Variants in FSHR observed in about 807,000 individuals in gnomAD.
FSHR encodes follicle stimulating hormone receptor.
In FSHR, 46 loss-of-function variants were observed where a neutral mutation model predicts 52.1. The ratio of observed to expected loss-of-function variants is 0.88; its 90% CI spans 0.70 to 1.13. The LOEUF (loss-of-function observed/expected upper bound fraction) is 1.13. FSHR is among the 50% of genes most tolerant of loss of function. The pLI is 0.00. For missense variants in FSHR, 964 were observed against 834.6 expected (o/e 1.16, Z -1.91); for synonymous variants, 399 against 309.6 (o/e 1.29, Z -3.03).
chr2:49,097,765 A>T (rs1558439782), intron 1 of FSHR, among the ~76,000 whole-genome samples: 1 of 152,236 alleles, frequency 6.6e-6, no homozygotes, highest in Non-Finnish European at 1.5e-5. Flanking sequence ...GGAAACTAGA[A>T]AAGTAAGTTT....
chr2:49,011,243 G>T (rs1667259775), intron 4 of FSHR, among the ~76,000 whole-genome samples: 1 of 151,332 alleles, frequency 6.6e-6, no homozygotes, highest in African/African-American at 2.4e-5. Flanking sequence ...TGTTCTCGTT[G>T]GTTTCAAAGA....
chr2:49,034,186 T>C (rs1668198925), intron 2 of FSHR, among the ~76,000 whole-genome samples: 1 of 152,162 alleles, frequency 6.6e-6, no homozygotes, highest in Non-Finnish European at 1.5e-5. Flanking sequence ...TCCCTTCCTC[T>C]CCCCTTCCCC....
In FSHR at chr2:49,088,520, G is replaced by C. The variant is rs1328387158; in HGVS notation, c.153-20230C>G. Among the ~76,000 whole-genome samples the C allele has an allele frequency of 2.0e-5, 3 of 152,212 alleles. No individual in the cohort carries two copies. In the East Asian group the frequency reaches 5.8e-4, roughly 29 times the overall value. The stretch of plus-strand genomic sequence containing the variant: ...TCAGTGATGCCCTTACTTTTGCTCT[G>C]TCAGTGTGGGTAAACAGAATTCGAC... On this transcript the variant is annotated intron_variant, in intron 1 of 9. Coordinates refer to ENST00000406846, the MANE Select transcript of FSHR (RefSeq NM_000145.4).
chr2:49,095,490 G>T lies in FSHR; in HGVS notation c.153-27200C>A, dbSNP rs368042533. On this transcript the variant is annotated intron_variant, in intron 1 of 9. Coordinates refer to ENST00000406846, the MANE Select transcript of FSHR (RefSeq NM_000145.4). Reference sequence around the variant, plus strand: ...AAATATTAACTCGAAATTGATTAAAGATCAAATTGTAAGAGCTAAAACTAT... The same window carrying T: ...AAATATTAACTCGAAATTGATTAAATATCAAATTGTAAGAGCTAAAACTAT... Among the ~76,000 whole-genome samples, 54 of 152,246 alleles carry T rather than the reference G, an allele frequency of 3.5e-4. 1 individual carries two copies. Among genetic ancestry groups the T allele is most frequent in the East Asian group, 3.3e-3 (17 of 5,192 alleles).
chr2:49,051,018 C>G (rs756177849), intron 2 of FSHR, among the ~76,000 whole-genome samples: 1 of 152,092 alleles, frequency 6.6e-6, no homozygotes. Flanking sequence ...TCTTTGCTTA[C>G]TATAATGCTT....
At chr2:48,974,446 T>C (rs1225804629) in intron 8 of FSHR, among the ~76,000 whole-genome samples, 2 of 152,216 alleles carry the variant, frequency 1.3e-5, no homozygotes, top group African/African-American at 4.8e-5. Flanking sequence ...ATGGTGGCTT[T>C]GATGCTGTGA....
intron 1 of FSHR, among the ~76,000 whole-genome samples, chr2:49,151,589 A>G (rs1278214730): frequency 6.6e-6 from 1 of 152,138 alleles, no homozygotes; most frequent in East Asian, 1.9e-4. Flanking sequence ...TGTACATAGT[A>G]AAATGTAGGA....
chr2:48,963,380 C>A lies in FSHR; in HGVS notation c.1441G>T (p.Val481Leu), dbSNP rs762018429. The A allele has an allele frequency of 1.2e-6, 2 of 1,614,050 alleles. No homozygotes were observed. The highest frequency in any genetic ancestry group is 8.5e-7 in the Non-Finnish European group (1 of 1,179,974). ...ACACTGGCAGCATGGCGGAGCTGCA[C>A]CTTGCAGTCCAGCTGCATGGCATGC... is the stretch of plus-strand genomic sequence containing the variant. The part of the protein sequence containing the change: ...ITHAMQLDCK[V>L]QLRHAASVMV... Residue 481 changes from valine (V) to leucine (L), a missense_variant, in exon 10 of 10, where the codon GTG becomes TTG. Coordinates refer to ENST00000406846, the MANE Select transcript of FSHR (RefSeq NM_000145.4).
At position 48,976,496 on chromosome 2, in the gene FSHR, C is replaced by A. The variant is rs185511611; in HGVS notation, c.668+6416G>T. Among the ~76,000 whole-genome samples, 3 of 152,282 alleles carry A rather than the reference C, an allele frequency of 2.0e-5. No individual in the cohort carries two copies. In the East Asian group the frequency reaches 5.8e-4, roughly 29 times the overall value. ...TTGGTATCAGGATGATGCTGCCTCA[C>A]AAAATGAGTTAGAGAGGAGTCCCTC... On this transcript the variant is annotated intron_variant, in intron 8 of 9. Coordinates refer to ENST00000406846, the MANE Select transcript of FSHR (RefSeq NM_000145.4).
chr2:49,052,904 T>A (rs960282631), intron 2 of FSHR, among the ~76,000 whole-genome samples: 2 of 152,196 alleles, frequency 1.3e-5, no homozygotes, highest in African/African-American at 4.8e-5. Context: ...CTGATTTACT[T>A]CCTTTCCTTT....
In FSHR at chr2:48,974,374, C is replaced by G. The variant is rs1674888591; in HGVS notation, c.669-5491G>C. On this transcript the variant is annotated intron_variant, in intron 8 of 9. Transcript: ENST00000406846. ...CCGTTGCTCAGTGTTCTGGAGCTAG[C>G]TTGTTATTTTGGATTCCTTCTTATC... Among the ~76,000 whole-genome samples, 3 of 152,248 alleles carry G rather than the reference C, an allele frequency of 2.0e-5. No homozygotes were observed. In the South Asian group the frequency reaches 6.2e-4, roughly 32 times the overall value.
chr2:48,963,245 A>T lies in FSHR; in HGVS notation c.1576T>A (p.Leu526Met). The T allele has an allele frequency of 6.2e-7, 1 of 1,614,176 alleles. No individual in the cohort carries two copies. The highest frequency in any genetic ancestry group is 8.5e-7 in the Non-Finnish European group (1 of 1,180,028). ...AGGGACATGACATACAGCTGTGACA[A>T]AGGGCTGTCAATATCCATGGGCAGG... Reference protein sequence around the residue: ...ICLPMDIDSPLSQLYVMSLLV... With the variant: ...ICLPMDIDSPMSQLYVMSLLV... Residue 526 changes from leucine to methionine, a missense_variant, in exon 10 of 10, where the codon TTG becomes ATG. Coordinates refer to ENST00000406846, the MANE Select transcript of FSHR (RefSeq NM_000145.4).
rs941943674 is a variant in FSHR at position 49,152,507 on chromosome 2, TCTTTTTCC to T, written c.152+1751_152+1758del. On this transcript the variant is annotated intron_variant, in intron 1 of 9. Transcript: ENST00000406846. ...TTTTCTTTCCTCTTTCTTTTCTTTC[TCTTTTTCC>T]CTTTTTCCCTCCATCTTTTCTCTTT... Among the ~76,000 whole-genome samples the T allele has an allele frequency of 8.4e-4, 128 of 152,280 alleles. 1 individual carries two copies. The highest frequency in any genetic ancestry group is 3.9e-3 in the Admixed American group (60 of 15,284).
At chr2:49,094,318 G>T (rs1032904100) in intron 1 of FSHR, among the ~76,000 whole-genome samples, 2 of 152,104 alleles carry the variant, frequency 1.3e-5, no homozygotes, top group African/African-American at 4.8e-5. Flanking sequence ...ATCAGATAAG[G>T]TTATTCTTTT....
intron 8 of FSHR, among the ~76,000 whole-genome samples, chr2:48,982,247 G>T (rs1309380088): frequency 6.6e-6 from 1 of 152,156 alleles, no homozygotes; most frequent in African/African-American, 2.4e-5. Context: ...GGAAGGGGCA[G>T]TGTAGGTAAG....
chr2:49,073,842 C>A lies in FSHR; in HGVS notation c.153-5552G>T, dbSNP rs147335977. Among the ~76,000 whole-genome samples, 441 of 152,022 alleles carry A rather than the reference C, an allele frequency of 2.9e-3. 3 individuals carry two copies. Among genetic ancestry groups the A allele is most frequent in the African/African-American group, 9.4e-3 (390 of 41,526 alleles). ...CAAGGTATTGGCATGAAAATAGAAACATAGACCAGAAGAACAGACTAGAGA... is the reference window on the plus strand; with the variant it reads ...CAAGGTATTGGCATGAAAATAGAAAAATAGACCAGAAGAACAGACTAGAGA... On this transcript the variant is annotated intron_variant, in intron 1 of 9. Coordinates refer to ENST00000406846, the MANE Select transcript of FSHR (RefSeq NM_000145.4).
intron 1 of FSHR, among the ~76,000 whole-genome samples, chr2:49,136,557 A>T (rs1398151424): frequency 6.6e-6 from 1 of 152,156 alleles, no homozygotes; most frequent in Non-Finnish European, 1.5e-5. Context: ...AAACATCACA[A>T]GCAAGTAAAA....
chr2:48,977,293 C>T (rs1387016417), intron 8 of FSHR, among the ~76,000 whole-genome samples: 1 of 152,034 alleles, frequency 6.6e-6, no homozygotes, highest in African/African-American at 2.4e-5. Context: ...GTAAAGGGAA[C>T]CATGGGACGG....
chr2:49,138,719 T>C (rs1672572587), intron 1 of FSHR, among the ~76,000 whole-genome samples: 1 of 152,200 alleles, frequency 6.6e-6, no homozygotes, highest in South Asian at 2.1e-4. Context: ...CTAACATGTA[T>C]GAGTTTTTCT....
Sources: gnomAD v4.1 joint callset for allele counts (sites outside exome capture counted in the v4.1 genomes callset) on GRCh38, gnomAD v4.1.1 for gene constraint, MANE v1.5 for transcripts, NCBI Gene and HGNC (gene_info 2026-07-23, HGNC 2026-07-21) for gene names.